The following GRIK1 variants were observed in gnomAD, a reference collection of about 807,000 sequenced individuals.
GRIK1 encodes the protein glutamate ionotropic receptor kainate type subunit 1.
Under a neutral mutation model 105.7 loss-of-function variants are expected in GRIK1, and 69 were observed. The ratio of observed to expected loss-of-function variants is 0.65; its 90% confidence interval spans 0.54 to 0.80. The LOEUF is 0.80. Among genes scored for constraint, GRIK1 ranks in the 30% least tolerant of loss-of-function variants. The pLI is 0.00. For synonymous variants in GRIK1, 438 were observed against 431.3 expected (o/e 1.02, Z -0.19); for missense variants, 1,109 against 1,167.3 (o/e 0.95, Z 0.73).
At chr21:29,735,654 T>A (rs980588722) in intron 1 of GRIK1, among the ~76,000 whole-genome samples, 2 of 152,006 alleles carry the variant, frequency 1.3e-5, no homozygotes, top group South Asian at 4.2e-4. Flanking sequence ...CCCAGCACTT[T>A]GGGAGGTCGA....
At chr21:29,835,747 C>T (rs2067781971) in intron 1 of GRIK1, among the ~76,000 whole-genome samples, 2 of 152,094 alleles carry the variant, frequency 1.3e-5, no homozygotes, top group South Asian at 2.1e-4. Context: ...CTGAAGAAGC[C>T]ATATTTCAGA....
At position 29,560,345 on chromosome 21, in the gene GRIK1, TTCTTTCTTTCTTTTTC is replaced by T. The variant is rs1470682987; in HGVS notation, c.2356+1263_2356+1278del. ...TTTCTTTCTTTCTTTCTTTCTTTCT[TTCTTTCTTTCTTTTTC>T]TTTCTTCCTTCCTTCCTTCCTTCCT... On this transcript the variant is annotated intron_variant, in intron 15 of 17. Coordinates refer to ENST00000327783, the MANE Select transcript of GRIK1 (RefSeq NM_001330994.2). Among the ~76,000 whole-genome samples the T allele has an allele frequency of 3.9e-4, 43 of 111,176 alleles. 1 individual carries two copies. The highest frequency in any genetic ancestry group is 1.0e-3 in the African/African-American group (27 of 26,056). The allele number at this position is 111,176 out of a possible 152,430, so 72.9% of individuals were successfully genotyped here.
At chr21:29,768,870 T>A (rs999336476) in intron 1 of GRIK1, among the ~76,000 whole-genome samples, 1 of 152,212 alleles carries the variant, frequency 6.6e-6, no homozygotes, top group Non-Finnish European at 1.5e-5. Flanking sequence ...CACACTCAAG[T>A]CAAATATAAC....
chr21:29,627,651 A>G (rs142735842), intron 7 of GRIK1, among the ~76,000 whole-genome samples: 312 of 152,298 alleles, frequency 2.0e-3, no homozygotes, highest in African/African-American at 7.1e-3. Flanking sequence ...CTTACACCTC[A>G]GTTCAACTCT....
At chr21:29,578,032 G>C (rs145322847) in intron 13 of GRIK1, among the ~76,000 whole-genome samples, 1 of 152,292 alleles carries the variant, frequency 6.6e-6, no homozygotes, top group East Asian at 1.9e-4. Flanking sequence ...TGTCATAAAA[G>C]ACAAACATCT....
At chr21:29,805,088 T>C (rs548974000) in intron 1 of GRIK1, among the ~76,000 whole-genome samples, 1 of 152,244 alleles carries the variant, frequency 6.6e-6, no homozygotes, top group Non-Finnish European at 1.5e-5. Context: ...ATGCAGCTTA[T>C]GAACTTCATG....
intron 1 of GRIK1, among the ~76,000 whole-genome samples, chr21:29,896,734 G>A (rs569282382): frequency 6.6e-6 from 1 of 152,230 alleles, no homozygotes; most frequent in East Asian, 1.9e-4. Context: ...TGAATGAACT[G>A]ACCAATTCTA....
At chr21:29,582,967 A>G (rs889871003) in intron 12 of GRIK1, among the ~76,000 whole-genome samples, 1 of 152,144 alleles carries the variant, frequency 6.6e-6, no homozygotes, top group African/African-American at 2.4e-5. Flanking sequence ...CATGCTGTGA[A>G]TCCAGCACAA....
chr21:29,909,377 A>G (rs1328204188), intron 1 of GRIK1, among the ~76,000 whole-genome samples: 3 of 151,972 alleles, frequency 2.0e-5, no homozygotes, highest in Admixed American at 6.6e-5. Context: ...CAAGCAAAAC[A>G]TAAGTAAAAT....
At chr21:29,735,876 T>C (rs1280959196) in intron 1 of GRIK1, among the ~76,000 whole-genome samples, 1 of 149,542 alleles carries the variant, frequency 6.7e-6, no homozygotes, top group Non-Finnish European at 1.5e-5. Flanking sequence ...ATTGAAAACA[T>C]ATTTGAAGAG....
At position 29,789,417 on chromosome 21, in the gene GRIK1, T is replaced by C. The variant is rs558690526; in HGVS notation, c.119-95354A>G. ...ACTCACTTCTTAGGTTAAGCAAGTA[T>C]TGGAGTCATAATAATCCCTCCTGAA... On this transcript the variant is annotated intron_variant, in intron 1 of 17. Coordinates refer to ENST00000327783, the MANE Select transcript of GRIK1 (RefSeq NM_001330994.2). Among the ~76,000 whole-genome samples the C allele has an allele frequency of 3.9e-5, 6 of 152,356 alleles. No individual in the cohort carries two copies. The South Asian group carries it at 1.2e-3, about 32-fold the overall frequency.
Position 29,587,602 on chromosome 21 carries a change from G to A in GRIK1, c.1570-13C>T. 1 of 1,507,610 alleles carries A rather than the reference G, an allele frequency of 6.6e-7. No homozygotes were observed. Among genetic ancestry groups the A allele is most frequent in the South Asian group, 1.1e-5 (1 of 88,258 alleles). 93.4% of individuals were successfully genotyped at this position (1,507,610 alleles called of 1,614,324 possible). A position where few individuals can be genotyped will look rare whatever the true frequency, so the allele number is the denominator to read the frequency against. ...CCAGGTCAGCCCTCTGCAAAAGCAA[G>A]TCCAAAATTGTCAGCTTAGTCTAGT... is the stretch of plus-strand genomic sequence containing the variant. On this transcript the variant is annotated splice_polypyrimidine_tract_variant and intron_variant, in intron 11 of 17. Coordinates refer to ENST00000327783, the MANE Select transcript of GRIK1 (RefSeq NM_001330994.2).
chr21:29,555,478 T>C (rs190703720), intron 15 of GRIK1, among the ~76,000 whole-genome samples, 176 bp from the exon 16 acceptor site: 50 of 152,208 alleles, frequency 3.3e-4, no homozygotes, highest in African/African-American at 1.2e-3. Flanking sequence ...CACTATATAA[T>C]TGGAAAGAAG....
intron 12 of GRIK1, 140 bp from the exon 13 acceptor site, chr21:29,581,683 A>C: frequency 3.4e-6 from 2 of 585,078 alleles, no homozygotes; most frequent in Non-Finnish European, 6.2e-6. Flanking sequence ...GGCCATAGTC[A>C]TAAACTTACA....
At chr21:29,726,048 A>T (rs1253462910) in intron 1 of GRIK1, among the ~76,000 whole-genome samples, 2 of 152,174 alleles carry the variant, frequency 1.3e-5, no homozygotes, top group East Asian at 3.8e-4. Context: ...CAAAATGGGG[A>T]AATTAGCAGA....
At chr21:29,645,063 G>A (rs1454785876) in intron 6 of GRIK1, among the ~76,000 whole-genome samples, 1 of 152,186 alleles carries the variant, frequency 6.6e-6, no homozygotes, top group Non-Finnish European at 1.5e-5. Context: ...TGATTTAATA[G>A]TCACAATAAT....
At chr21:29,876,050 G>C (rs891675424) in intron 1 of GRIK1, among the ~76,000 whole-genome samples, 2 of 151,946 alleles carry the variant, frequency 1.3e-5, no homozygotes, top group Non-Finnish European at 2.9e-5. Context: ...ACTAGGCACA[G>C]AGTCACACCT....
At chr21:29,606,102 C>G (rs936853789) in intron 7 of GRIK1, among the ~76,000 whole-genome samples, 1 of 149,960 alleles carries the variant, frequency 6.7e-6, no homozygotes, top group Admixed American at 6.6e-5. Flanking sequence ...ATTTGATTCT[C>G]TAAAGAGGTG....
chr21:29,931,039 G>A (rs1045548115), intron 1 of GRIK1, among the ~76,000 whole-genome samples: 1 of 152,144 alleles, frequency 6.6e-6, no homozygotes, highest in African/African-American at 2.4e-5. Context: ...GAAAAACTGA[G>A]AATACAGTAC....
Sources: allele counts gnomAD v4.1 joint callset (sites outside exome capture counted in the v4.1 genomes callset), GRCh38; gene constraint gnomAD v4.1.1; transcripts MANE v1.5; gene names NCBI Gene and HGNC (gene_info 2026-07-23, HGNC 2026-07-21).